The following ANKRD11 variants were observed in gnomAD, a reference collection of about 807,000 sequenced individuals.
ANKRD11 encodes ankyrin repeat domain-containing protein 11.
ANKRD11 carries 17 observed loss-of-function variants against 195.7 expected under a neutral mutation model. The ratio of observed to expected loss-of-function variants is 0.09; its 90% CI spans 0.06 to 0.13. ANKRD11 has a LOEUF of 0.13. ANKRD11 is among the 10% of genes least tolerant of loss of function. The pLI, the probability that ANKRD11 is intolerant of heterozygous loss-of-function variation, is 1.00. For missense variants in ANKRD11, 3,735 were observed against 3,566.1 expected (o/e 1.05, Z -1.21); for synonymous variants, 1,953 against 1,528.1 (o/e 1.28, Z -6.49).
rs142590837 is a variant in ANKRD11, at chr16:89,275,592, C to T, written c.7471-401G>A. On this transcript the variant is annotated intron_variant, in intron 9 of 12. Coordinates refer to ENST00000301030, the MANE Select transcript of ANKRD11 (RefSeq NM_013275.6). ...TGTGTTCACAGGGAGGGCCCATGCA[C>T]CCCAAATCAGCCTTTCAACCAGGCT... is the stretch of plus-strand genomic sequence containing the variant. Among the ~76,000 whole-genome samples, 1,424 of 152,230 alleles carry T rather than the reference C, an allele frequency of 9.4e-3. 21 individuals are homozygous for T. The highest frequency in any genetic ancestry group is 0.032 in the African/African-American group (1,329 of 41,524).
chr16:89,489,641 G>C (rs371852447), intron 1 of ANKRD11, among the ~76,000 whole-genome samples: 1 of 151,968 alleles, frequency 6.6e-6, no homozygotes, highest in South Asian at 2.1e-4. Flanking sequence ...GCGGGTCAGA[G>C]GTCGGCGCCC....
intron 4 of ANKRD11, chr16:89,297,575 C>T (rs1334468749): frequency 6.6e-6 from 1 of 152,252 alleles, no homozygotes; most frequent in Non-Finnish European, 1.5e-5. Flanking sequence ...GGATGGTCCA[C>T]AACGCCAAGT....
intron 2 of ANKRD11, among the ~76,000 whole-genome samples, chr16:89,371,586 C>A (rs903020768): frequency 6.6e-6 from 1 of 152,166 alleles, no homozygotes; most frequent in African/African-American, 2.4e-5. Context: ...AGGCAGGCGC[C>A]GCTCCCCACA....
intron 9 of ANKRD11, chr16:89,278,756 G>A (rs374925519): frequency 9.0e-6 from 5 of 558,276 alleles, no homozygotes; most frequent in East Asian, 4.1e-5. Flanking sequence ...GGGGAGTGGA[G>A]AGGGGAGAGT....
intron 2 of ANKRD11, among the ~76,000 whole-genome samples, chr16:89,335,972 C>T (rs1457627021): frequency 6.6e-6 from 1 of 152,210 alleles, no homozygotes. Flanking sequence ...CTTCAAGATG[C>T]CCTGTGACTC....
At chr16:89,274,688 T>TA in intron 11 of ANKRD11, 126 bp downstream of exon 11, 1 of 1,381,598 alleles carries the variant, frequency 7.2e-7, no homozygotes, top group Non-Finnish European at 1.0e-6. Context: ...AAGGACTCTG[T>TA]AGCCCCTGCA....
intron 2 of ANKRD11, among the ~76,000 whole-genome samples, chr16:89,406,239 C>A (rs1040731471): frequency 2.0e-5 from 3 of 152,108 alleles, no homozygotes; most frequent in African/African-American, 7.2e-5. Context: ...AAGGGGCTCT[C>A]TGAGAGTCGG....
At chr16:89,446,105 T>TAA (rs998043360) in intron 1 of ANKRD11, among the ~76,000 whole-genome samples, 2 of 145,598 alleles carry the variant, frequency 1.4e-5, no homozygotes, top group East Asian at 2.0e-4. Context: ...CCACCATCTT[T>TAA]AAAAAAAAAA....
In ANKRD11 at chr16:89,306,263, G is replaced by A. The variant is rs1221176340; in HGVS notation, c.88-919C>T. 5.2e-5 allele frequency among the ~76,000 whole-genome samples: 3 copies of A among 57,552 alleles called. 1 individual carries two copies. Among genetic ancestry groups the A allele is most frequent in the African/African-American group, 1.7e-4 (2 of 12,020 alleles). 37.8% of individuals were successfully genotyped at this position (57,552 alleles called of 152,430 possible). A position where few individuals can be genotyped will look rare whatever the true frequency, so the allele number is the denominator to read the frequency against. ...GCCACCTCCCACTCCGCAGACACGC[G>A]CCACTTACCTCCCCCTCCGCAGACA... On this transcript the variant is annotated intron_variant, in intron 3 of 12. Coordinates refer to ENST00000301030, the MANE Select transcript of ANKRD11 (RefSeq NM_013275.6).
intron 1 of ANKRD11, among the ~76,000 whole-genome samples, chr16:89,456,188 C>T (rs910848953): frequency 6.7e-6 from 1 of 150,336 alleles, no homozygotes; most frequent in African/African-American, 2.5e-5. Flanking sequence ...TGCAGTGAAC[C>T]GAGATTGTGC....
intron 2 of ANKRD11, among the ~76,000 whole-genome samples, chr16:89,337,370 TCA>T (rs2151983772): frequency 6.8e-6 from 1 of 147,544 alleles, no homozygotes; most frequent in South Asian, 2.3e-4. Flanking sequence ...CATCAGACAC[TCA>T]CAGTTTTTGT....
intron 12 of ANKRD11, among the ~76,000 whole-genome samples, chr16:89,269,067 A>G (rs1759099370): frequency 6.6e-6 from 1 of 152,252 alleles, no homozygotes; most frequent in African/African-American, 2.4e-5. Context: ...TATGCCATTT[A>G]AAAGTGCACA....
At chr16:89,368,842 G>C (rs1284038148) in intron 2 of ANKRD11, among the ~76,000 whole-genome samples, 1 of 152,174 alleles carries the variant, frequency 6.6e-6, no homozygotes, top group Non-Finnish European at 1.5e-5. Flanking sequence ...TGACGCCACA[G>C]TGAGTCCTGA....
chr16:89,481,678 G>C (rs759916620), intron 1 of ANKRD11, among the ~76,000 whole-genome samples: 1 of 152,152 alleles, frequency 6.6e-6, no homozygotes, highest in African/African-American at 2.4e-5. Context: ...ATGAAATTCA[G>C]GTCTATCATT....
intron 2 of ANKRD11, among the ~76,000 whole-genome samples, chr16:89,336,135 T>C (rs991898845): frequency 1.3e-5 from 2 of 152,244 alleles, no homozygotes; most frequent in African/African-American, 4.8e-5. Flanking sequence ...TGCCATGTAA[T>C]CCACAGAACC....
intron 2 of ANKRD11, among the ~76,000 whole-genome samples, chr16:89,338,101 T>G (rs1295218534): frequency 6.6e-6 from 1 of 152,186 alleles, no homozygotes; most frequent in African/African-American, 2.4e-5. Context: ...GCCCCCACTA[T>G]GGCCATCCCA....
intron 2 of ANKRD11, among the ~76,000 whole-genome samples, chr16:89,340,472 A>G (rs893162188): frequency 1.3e-5 from 2 of 152,154 alleles, no homozygotes; most frequent in African/African-American, 4.8e-5. Flanking sequence ...ATGGGGTTTC[A>G]CAATGTTGTC....
chr16:89,407,386 C>G (rs1212910795), intron 2 of ANKRD11, among the ~76,000 whole-genome samples: 1 of 152,174 alleles, frequency 6.6e-6, no homozygotes, highest in African/African-American at 2.4e-5. Context: ...GAGATAAAAG[C>G]AGGAAGCCCC....
rs144429088 is a variant in ANKRD11, at chr16:89,416,448, G to A, written c.-60+1836C>T. 9.7e-4 allele frequency among the ~76,000 whole-genome samples: 148 copies of A among 152,104 alleles called. 1 individual carries two copies. Among genetic ancestry groups the A allele is most frequent in the South Asian group, 3.9e-3 (19 of 4,822 alleles). ...CAACTAGCTGGGATCACAGGCATTCGCCACCACGTCCGGTTAATATTTACA... is the reference window on the plus strand; with the variant it reads ...CAACTAGCTGGGATCACAGGCATTCACCACCACGTCCGGTTAATATTTACA... On this transcript the variant is annotated intron_variant, in intron 2 of 12. Coordinates refer to ENST00000301030, the MANE Select transcript of ANKRD11 (RefSeq NM_013275.6).
Sources: gnomAD v4.1 joint callset for allele counts (sites outside exome capture counted in the v4.1 genomes callset) on GRCh38, gnomAD v4.1.1 for gene constraint, MANE v1.5 for transcripts, NCBI Gene and HGNC (gene_info 2026-07-23, HGNC 2026-07-21) for gene names.